SLC4A4: variants seen among roughly 807,000 people sequenced by gnomAD.
The protein encoded by SLC4A4 is electrogenic sodium bicarbonate cotransporter 1.
A neutral mutation model predicts 111.5 loss-of-function variants in SLC4A4; 27 were observed. The ratio of observed to expected loss-of-function variants is 0.24; its 90% CI spans 0.18 to 0.33. The LOEUF (loss-of-function observed/expected upper bound fraction) is 0.33, where lower values mean the gene tolerates loss of function less well. SLC4A4 is among the 10% of genes least tolerant of loss of function. The pLI, the probability that SLC4A4 is intolerant of heterozygous loss-of-function variation, is 1.00. For synonymous variants in SLC4A4, 443 were observed against 463.4 expected (o/e 0.96, Z 0.57); for missense variants, 909 against 1,315.5 (o/e 0.69, Z 4.78).
chr4:71,482,191 G>A (rs1056267423), intron 14 of SLC4A4, among the ~76,000 whole-genome samples: 3 of 151,602 alleles, frequency 2.0e-5, no homozygotes, highest in African/African-American at 7.2e-5. Flanking sequence ...TTTTAATCTT[G>A]TTTATGGACT....
chr4:71,164,348 C>T (rs571819401), intron 2 of SLC4A4, among the ~76,000 whole-genome samples: 39 of 150,282 alleles, frequency 2.6e-4, no homozygotes, highest in African/African-American at 9.3e-4. Context: ...GCACTGCACT[C>T]CAGCCTGGGG....
intron 3 of SLC4A4, among the ~76,000 whole-genome samples, chr4:71,321,457 G>T (rs944430476): frequency 6.6e-6 from 1 of 151,904 alleles, no homozygotes; most frequent in African/African-American, 2.4e-5. Flanking sequence ...CTTCTGGCCT[G>T]GTTTTTAGGT....
intron 18 of SLC4A4, among the ~76,000 whole-genome samples, chr4:71,542,251 C>T (rs1024594376): frequency 2.6e-5 from 4 of 152,038 alleles, no homozygotes; most frequent in African/African-American, 9.7e-5. Flanking sequence ...TGACCTTGTT[C>T]TCCATAAACT....
chr4:71,467,041 T>C (rs1727435508), intron 13 of SLC4A4, among the ~76,000 whole-genome samples: 1 of 151,536 alleles, frequency 6.6e-6, no homozygotes, highest in Admixed American at 6.6e-5. Context: ...ATTCTGGCAG[T>C]GCTTATCCCC....
chr4:71,464,950 A>G (rs1397124234), intron 12 of SLC4A4, among the ~76,000 whole-genome samples: 2 of 152,118 alleles, frequency 1.3e-5, no homozygotes, highest in East Asian at 3.9e-4. Context: ...TGTATATTGT[A>G]TTTTCTTTAA....
At chr4:71,524,509 A>AGAAGAGAGTT in intron 16 of SLC4A4, among the ~76,000 whole-genome samples, 1 of 152,206 alleles carries the variant, frequency 6.6e-6, no homozygotes, top group South Asian at 2.1e-4. Context: ...TTTGCTCCTC[A>AGAAGAGAGTT]AATCTCTTTG....
intron 3 of SLC4A4, among the ~76,000 whole-genome samples, chr4:71,303,342 A>G (rs1725418949): frequency 6.6e-6 from 1 of 152,246 alleles, no homozygotes; most frequent in African/African-American, 2.4e-5. Flanking sequence ...TGTAAGGTTT[A>G]TTTCACAGCA....
chr4:71,452,385 T>C (rs1393811514), intron 11 of SLC4A4, among the ~76,000 whole-genome samples: 3 of 152,184 alleles, frequency 2.0e-5, no homozygotes, highest in Non-Finnish European at 1.5e-5. Context: ...AATCAGAATA[T>C]ATTTCATTCT....
chr4:71,077,109 AG>A, intron 1 of SLC4A4, among the ~76,000 whole-genome samples: 1 of 148,888 alleles, frequency 6.7e-6, no homozygotes, highest in East Asian at 1.9e-4. Context: ...AAAATATGTA[AG>A]GAGGTTATGT....
chr4:71,531,754 TACACACACACACACACACACACACAC>T (rs56164928), intron 16 of SLC4A4, among the ~76,000 whole-genome samples: 2 of 128,152 alleles, frequency 1.6e-5, no homozygotes, highest in African/African-American at 3.0e-5. Flanking sequence ...CCTCCCTGCC[TACACACACACACACACACACACACAC>T]ACACACACAC....
chr4:71,130,430 G>T (rs988806247), intron 2 of SLC4A4, among the ~76,000 whole-genome samples: 1 of 152,094 alleles, frequency 6.6e-6, no homozygotes, highest in Non-Finnish European at 1.5e-5. Flanking sequence ...AGAGAAGGGG[G>T]TCTCACTTTT....
At chr4:71,209,993 C>T (rs1396541771) in intron 1 of SLC4A4, among the ~76,000 whole-genome samples, 3 of 152,228 alleles carry the variant, frequency 2.0e-5, no homozygotes, top group Admixed American at 6.5e-5. Flanking sequence ...TTCCGGAGAA[C>T]GCTGTGACCA....
intron 2 of SLC4A4, among the ~76,000 whole-genome samples, chr4:71,250,586 G>A (rs978942993): frequency 1.3e-5 from 2 of 152,110 alleles, no homozygotes; most frequent in Non-Finnish European, 2.9e-5. Context: ...ATTCCAAAAA[G>A]CTTTAGGGTG....
At chr4:71,375,226 C>T (rs904091901) in intron 6 of SLC4A4, among the ~76,000 whole-genome samples, 1 of 152,160 alleles carries the variant, frequency 6.6e-6, no homozygotes, top group Non-Finnish European at 1.5e-5. Flanking sequence ...AAGTTACCTC[C>T]TCATGTGGAA....
intron 14 of SLC4A4, among the ~76,000 whole-genome samples, chr4:71,486,214 G>T (rs1406735800): frequency 6.6e-6 from 1 of 151,186 alleles, no homozygotes; most frequent in Non-Finnish European, 1.5e-5. Flanking sequence ...ATAGGAAAAA[G>T]GCTTATCTGA....
At chr4:71,417,465 G>C (rs1306587685) in intron 7 of SLC4A4, among the ~76,000 whole-genome samples, 1 of 152,116 alleles carries the variant, frequency 6.6e-6, no homozygotes, top group Non-Finnish European at 1.5e-5. Flanking sequence ...TTCAGGCATG[G>C]AGCAAGTGAC....
chr4:71,134,003 C>G (rs1743779883), intron 2 of SLC4A4, among the ~76,000 whole-genome samples: 1 of 152,108 alleles, frequency 6.6e-6, no homozygotes, highest in South Asian at 2.1e-4. Flanking sequence ...CAAACAGAGT[C>G]CTGAATGCAT....
intron 1 of SLC4A4, among the ~76,000 whole-genome samples, chr4:71,086,036 G>A (rs1742157252): frequency 6.6e-6 from 1 of 152,018 alleles, no homozygotes; most frequent in African/African-American, 2.4e-5. Context: ...CTACCCATGA[G>A]CATAGAATGT....
At chr4:71,343,665 A>C (rs1291970845) in intron 4 of SLC4A4, among the ~76,000 whole-genome samples, 1 of 152,224 alleles carries the variant, frequency 6.6e-6, no homozygotes, top group African/African-American at 2.4e-5. Context: ...ACTACATCTC[A>C]CATTCAGTAC....
Sources: allele counts gnomAD v4.1 joint callset (sites outside exome capture counted in the v4.1 genomes callset), GRCh38; gene constraint gnomAD v4.1.1; transcripts MANE v1.5; gene names NCBI Gene and HGNC (gene_info 2026-07-23, HGNC 2026-07-21).